Variants in ADGRL3 observed in about 807,000 individuals in gnomAD.
The protein encoded by ADGRL3 is calcium-independent alpha-latrotoxin receptor 3.
In ADGRL3, 62 loss-of-function variants were observed where a neutral mutation model predicts 153.5. The observed-to-expected ratio is 0.40, with a 90% confidence interval of 0.33 to 0.50. ADGRL3 has a LOEUF of 0.50. Among genes scored for constraint, ADGRL3 ranks in the 20% least tolerant of loss-of-function variants. The probability of loss-of-function intolerance (pLI) is 0.47; values close to 1 mark genes in which losing one functional copy is unlikely to be tolerated. For missense variants in ADGRL3, 1,641 were observed against 1,859.4 expected (o/e 0.88, Z 2.16); for synonymous variants, 710 against 672.5 (o/e 1.06, Z -0.86).
intron 2 of ADGRL3, among the ~76,000 whole-genome samples, chr4:61,481,684 A>T (rs2098133341): frequency 6.6e-6 from 1 of 152,020 alleles, no homozygotes; most frequent in African/African-American, 2.4e-5. Context: ...TTAAAATCAC[A>T]TATTAGAATA....
intron 25 of ADGRL3, among the ~76,000 whole-genome samples, chr4:62,060,725 T>C (rs1739622717): frequency 6.6e-6 from 1 of 151,848 alleles, no homozygotes; most frequent in South Asian, 2.1e-4. Flanking sequence ...CAATTTTTCA[T>C]TTTTTTGTCC....
intron 2 of ADGRL3, among the ~76,000 whole-genome samples, chr4:61,471,793 G>A (rs2097958319): frequency 1.3e-5 from 2 of 151,920 alleles, no homozygotes; most frequent in Admixed American, 6.6e-5. Flanking sequence ...GTCGATTAAG[G>A]TATTATTGAA....
At chr4:61,276,146 G>A (rs2093446787) in intron 1 of ADGRL3, among the ~76,000 whole-genome samples, 2 of 152,094 alleles carry the variant, frequency 1.3e-5, no homozygotes, top group Non-Finnish European at 2.9e-5. Flanking sequence ...TTAAATAAAG[G>A]TCATGCTGCT....
intron 1 of ADGRL3, among the ~76,000 whole-genome samples, chr4:61,232,246 T>C (rs1231329873): frequency 6.6e-6 from 1 of 152,092 alleles, no homozygotes; most frequent in Non-Finnish European, 1.5e-5. Flanking sequence ...AGACAGAATA[T>C]CAATTTTGGA....
intron 9 of ADGRL3, among the ~76,000 whole-genome samples, chr4:61,871,049 C>A (rs184162196): frequency 2.6e-5 from 4 of 152,124 alleles, no homozygotes; most frequent in South Asian, 2.1e-4. Flanking sequence ...GAGGCCAAGG[C>A]GGGCGAATCA....
intron 1 of ADGRL3, among the ~76,000 whole-genome samples, chr4:61,320,540 C>A (rs977724783): frequency 6.6e-6 from 1 of 152,134 alleles, no homozygotes; most frequent in Non-Finnish European, 1.5e-5. Context: ...TAAACTCAAG[C>A]CTTTCCATGT....
intron 21 of ADGRL3, among the ~76,000 whole-genome samples, chr4:62,024,781 T>C (rs1445486917): frequency 6.6e-6 from 1 of 151,760 alleles, no homozygotes; most frequent in Non-Finnish European, 1.5e-5. Flanking sequence ...ATACAGAAAA[T>C]TAGCCTGGTG....
intron 9 of ADGRL3, among the ~76,000 whole-genome samples, chr4:61,883,014 G>T (rs572138921): frequency 2.7e-4 from 41 of 152,268 alleles, no homozygotes; most frequent in African/African-American, 9.9e-4. Context: ...TACTGGAGAG[G>T]CTGAGTCAGG....
intron 9 of ADGRL3, among the ~76,000 whole-genome samples, chr4:61,880,366 T>A (rs891637811): frequency 2.6e-5 from 4 of 152,326 alleles, no homozygotes; most frequent in African/African-American, 9.6e-5. Flanking sequence ...TCTAGTATTA[T>A]GATGACTAAA....
chr4:62,010,358 C>T (rs769195412), intron 21 of ADGRL3, among the ~76,000 whole-genome samples: 28 of 152,108 alleles, frequency 1.8e-4, no homozygotes, highest in Non-Finnish European at 2.6e-4. Flanking sequence ...GCAGAAGGCA[C>T]ATGGAAGATT....
At chr4:61,303,114 A>G (rs1218834620) in intron 1 of ADGRL3, among the ~76,000 whole-genome samples, 2 of 152,188 alleles carry the variant, frequency 1.3e-5, no homozygotes, top group African/African-American at 4.8e-5. Context: ...ATCCAAATTT[A>G]GAACCATTGT....
chr4:61,234,559 A>G (rs1752080383), intron 1 of ADGRL3, among the ~76,000 whole-genome samples: 1 of 152,190 alleles, frequency 6.6e-6, no homozygotes, highest in Non-Finnish European at 1.5e-5. Flanking sequence ...AATATGGCCA[A>G]GGAGAAAGCT....
chr4:61,864,626 A>G (rs2098382719), intron 9 of ADGRL3, among the ~76,000 whole-genome samples: 1 of 152,174 alleles, frequency 6.6e-6, no homozygotes, highest in South Asian at 2.1e-4. Flanking sequence ...ATTTTTGTCT[A>G]TGATTCCTTT....
At chr4:61,827,010 A>T (rs1036053234) in intron 9 of ADGRL3, among the ~76,000 whole-genome samples, 2 of 152,174 alleles carry the variant, frequency 1.3e-5, no homozygotes, top group Non-Finnish European at 2.9e-5. Flanking sequence ...CACTAGTTAT[A>T]GTCCCGTGGG....
At chr4:61,551,442 A>G (rs1461461850) in intron 4 of ADGRL3, among the ~76,000 whole-genome samples, 4 of 152,136 alleles carry the variant, frequency 2.6e-5, no homozygotes, top group African/African-American at 9.6e-5. Flanking sequence ...TATTTTTCTC[A>G]TACATCAAAA....
At chr4:61,730,183 G>C (rs1390865074) in intron 6 of ADGRL3, among the ~76,000 whole-genome samples, 1 of 151,828 alleles carries the variant, frequency 6.6e-6, no homozygotes, top group Non-Finnish European at 1.5e-5. Context: ...TCTTTGAAAT[G>C]CATAGAAAGC....
At chr4:61,366,214 C>A (rs936834681) in intron 1 of ADGRL3, among the ~76,000 whole-genome samples, 18 of 152,192 alleles carry the variant, frequency 1.2e-4, no homozygotes, top group Admixed American at 3.3e-4. Flanking sequence ...ATACAGCCAC[C>A]AGAGCTGCTG....
At chr4:61,642,376 G>A (rs915237894) in intron 5 of ADGRL3, among the ~76,000 whole-genome samples, 1 of 152,172 alleles carries the variant, frequency 6.6e-6, no homozygotes, top group Non-Finnish European at 1.5e-5. Flanking sequence ...CCTATGTCCT[G>A]AATGGTAATG....
At chr4:61,268,564 G>A (rs1378392189) in intron 1 of ADGRL3, among the ~76,000 whole-genome samples, 1 of 151,406 alleles carries the variant, frequency 6.6e-6, no homozygotes, top group Non-Finnish European at 1.5e-5. Context: ...ATTTCCTGAG[G>A]AAATGATCTA....
Sources: gnomAD v4.1 joint callset for allele counts (sites outside exome capture counted in the v4.1 genomes callset) on GRCh38, gnomAD v4.1.1 for gene constraint, MANE v1.5 for transcripts, NCBI Gene and HGNC (gene_info 2026-07-23, HGNC 2026-07-21) for gene names.